The following RNF138 variants were observed in gnomAD, a reference collection of about 807,000 sequenced individuals.
RNF138 encodes ring finger protein 138.
In RNF138, 12 loss-of-function variants were observed where a neutral mutation model predicts 31.0. That is an observed-to-expected ratio of 0.39 (90% CI 0.25 to 0.63). The LOEUF (loss-of-function observed/expected upper bound fraction) is 0.63. RNF138 is among the 20% of genes least tolerant of loss of function. The pLI is 0.52. For missense variants in RNF138, 192 were observed against 300.1 expected (o/e 0.64, Z 2.66); for synonymous variants, 105 against 99.5 (o/e 1.06, Z -0.33).
At chr18:32,093,553 T>C (rs1463611851) in intron 2 of RNF138, among the ~76,000 whole-genome samples, 4 of 152,204 alleles carry the variant, frequency 2.6e-5, no homozygotes, top group Non-Finnish European at 5.9e-5. Flanking sequence ...TTTTCGGGCA[T>C]TGAAATGAGC....
At chr18:32,097,125 T>TAGG (rs1401643632) in intron 2 of RNF138, among the ~76,000 whole-genome samples, 8 of 152,244 alleles carry the variant, frequency 5.3e-5, no homozygotes, top group Admixed American at 5.2e-4. Context: ...CAGACTGGCG[T>TAGG]AGGAGTAAGG....
chr18:32,116,923 G>C (rs190605181), intron 4 of RNF138, among the ~76,000 whole-genome samples: 1 of 151,930 alleles, frequency 6.6e-6, no homozygotes, highest in East Asian at 1.9e-4. Flanking sequence ...TTTATTTGTA[G>C]ACAGAGTTTT....
rs983382565 is a variant in RNF138, at chr18:32,131,197, C to CATTG, written c.*2013_*2016dup. ...AAAGTTTTGTGAATGAGTTAAATAT[C>CATTG]ATTGATAGTCTTGTGTGTCTCACAT... On this transcript the variant is annotated 3_prime_UTR_variant, in exon 8 of 8. Transcript: ENST00000261593. 2 of 152,236 alleles carry CATTG rather than the reference C, an allele frequency of 1.3e-5. No homozygotes were observed. The highest frequency in any genetic ancestry group is 4.8e-5 in the African/African-American group (2 of 41,548). 9.4% of individuals were successfully genotyped at this position (152,236 alleles called of 1,614,324 possible). A position where few individuals can be genotyped will look rare whatever the true frequency, so the allele number is the denominator to read the frequency against.
intron 4 of RNF138, among the ~76,000 whole-genome samples, chr18:32,119,369 G>A (rs2040267365): frequency 6.6e-6 from 1 of 152,054 alleles, no homozygotes. Context: ...TAAAGTGTTG[G>A]GATCACAGGC....
intron 7 of RNF138, 34 bp downstream of exon 7, chr18:32,126,834 T>C (rs1254364801): frequency 7.2e-6 from 9 of 1,250,260 alleles, no homozygotes; most frequent in Non-Finnish European, 1.1e-5. Flanking sequence ...GAAAGTACTG[T>C]TTAAATATTA....
At chr18:32,116,302 T>G (rs1397585990) in intron 4 of RNF138, among the ~76,000 whole-genome samples, 1 of 152,120 alleles carries the variant, frequency 6.6e-6, no homozygotes, top group Admixed American at 6.6e-5. Flanking sequence ...CTTCCTGAGC[T>G]CTAGAATTTC....
intron 4 of RNF138, among the ~76,000 whole-genome samples, chr18:32,118,261 C>T (rs540556787): frequency 3.9e-5 from 6 of 152,284 alleles, no homozygotes; most frequent in South Asian, 2.1e-4. Flanking sequence ...TATGGCTGGG[C>T]GCAGTGGCTC....
Position 32,092,795 on chromosome 18 carries a change from G to C in RNF138, c.19G>C (p.Ala7Pro). 1 of 1,591,066 alleles carries C rather than the reference G, an allele frequency of 6.3e-7. No homozygotes were observed. Among genetic ancestry groups the C allele is most frequent in the Non-Finnish European group, 8.5e-7 (1 of 1,171,806 alleles). ...CCCCGCCATGGCCGAGGACCTCTCT[G>C]CGGCCACGTCCTACACCGAAGATGA... is the stretch of plus-strand genomic sequence containing the variant. The part of the protein sequence containing the change: MAEDLS[A>P]ATSYTEDDFY... Residue 7 changes from alanine to proline, a missense_variant, in exon 2 of 8, where the codon GCG becomes CCG. Ala to Pro is a conservative substitution (Grantham distance 27). This residue lies in a region of RNF138 where 52 missense variants were observed against 48.4 expected (regional missense o/e 1.07). Transcript: ENST00000261593.
At chr18:32,093,333 CGGG>C (rs1391678257) in intron 2 of RNF138, among the ~76,000 whole-genome samples, 1 of 151,906 alleles carries the variant, frequency 6.6e-6, no homozygotes, top group African/African-American at 2.4e-5. Context: ...GGTGCTCGCG[CGGG>C]CCCGCTCGCC....
chr18:32,125,962 A>G (rs2040377006), intron 6 of RNF138, among the ~76,000 whole-genome samples: 1 of 152,208 alleles, frequency 6.6e-6, no homozygotes, highest in African/African-American at 2.4e-5. Context: ...TTAGTTTTAT[A>G]TTGGATTACC....
At chr18:32,118,753 C>A (rs11081745) in intron 4 of RNF138, among the ~76,000 whole-genome samples, 21,116 of 151,910 alleles carry the variant, frequency 0.14, 1,930 homozygotes, top group Non-Finnish European at 0.21. Context: ...TCCTTGAACC[C>A]GGGAGGCCAA....
intron 4 of RNF138, 128 bp from the exon 5 acceptor site, chr18:32,123,390 G>A: frequency 1.9e-6 from 1 of 532,528 alleles, no homozygotes; most frequent in Non-Finnish European, 3.2e-6. Flanking sequence ...ATAGGAAAAA[G>A]GTGTATTGAA....
intron 6 of RNF138, among the ~76,000 whole-genome samples, chr18:32,126,194 A>G (rs2040381122): frequency 1.3e-5 from 2 of 152,228 alleles, no homozygotes; most frequent in Non-Finnish European, 2.9e-5. Context: ...CAGGAATTTG[A>G]GACCCAGCCT....
Position 32,124,642 on chromosome 18 carries a change from T to A in RNF138, c.450-92T>A, listed in dbSNP as rs185253210. The A allele has an allele frequency of 6.6e-4, 451 of 681,862 alleles. 1 individual carries two copies. The highest frequency in any genetic ancestry group is 2.0e-3 in the African/African-American group (112 of 55,358). 42.2% of individuals were successfully genotyped at this position (681,862 alleles called of 1,614,324 possible). On this transcript the variant is annotated intron_variant, in intron 5 of 7. Coordinates refer to ENST00000261593, the MANE Select transcript of RNF138 (RefSeq NM_016271.5). The stretch of plus-strand genomic sequence containing the variant: ...AATAGTCTAATAATTATAACTTTTT[T>A]AAAAAATGTATAGTGATTCCTCAAA...
intron 2 of RNF138, among the ~76,000 whole-genome samples, chr18:32,101,648 A>G (rs148961195): frequency 1.4e-4 from 21 of 152,316 alleles, no homozygotes; most frequent in African/African-American, 4.6e-4. Flanking sequence ...TATGTACGCA[A>G]TAAGTGTTAA....
intron 4 of RNF138, among the ~76,000 whole-genome samples, chr18:32,116,944 C>G (rs1333861380): frequency 6.6e-6 from 1 of 152,014 alleles, no homozygotes; most frequent in Non-Finnish European, 1.5e-5. Flanking sequence ...GCTCGTCTCC[C>G]AGGCTGGAGT....
rs1915151295 is a variant in RNF138 at position 32,130,481 on chromosome 18, C to G, written c.*1294C>G. On this transcript the variant is annotated 3_prime_UTR_variant, in exon 8 of 8. Coordinates refer to ENST00000261593, the MANE Select transcript of RNF138 (RefSeq NM_016271.5). ...AAAGTATTTTGTAGAAGGCCCAAAT[C>G]ACAGAATAAAGGACTAAGAGTGGAT... is the stretch of plus-strand genomic sequence containing the variant. 6.6e-6 allele frequency: 1 copy of G among 152,360 alleles called. No homozygotes were observed. Among genetic ancestry groups the G allele is most frequent in the African/African-American group, 2.4e-5 (1 of 41,420 alleles). The allele number at this position is 152,360 out of a possible 1,614,324, so 9.4% of individuals were successfully genotyped here.
chr18:32,111,513 T>C (rs1197692910), intron 2 of RNF138, among the ~76,000 whole-genome samples: 1 of 152,072 alleles, frequency 6.6e-6, no homozygotes, highest in Admixed American at 6.6e-5. Context: ...TCATATATTA[T>C]GTTAAGAAGT....
At chr18:32,102,485 G>A (rs960194133) in intron 2 of RNF138, among the ~76,000 whole-genome samples, 1 of 151,952 alleles carries the variant, frequency 6.6e-6, no homozygotes, top group Non-Finnish European at 1.5e-5. Context: ...ACAGGCGTGA[G>A]CCACTGTGCC....
Sources: gnomAD v4.1 joint callset for allele counts (sites outside exome capture counted in the v4.1 genomes callset) on GRCh38, gnomAD v4.1.1 for gene constraint, gnomAD v4.1.1 regional missense constraint, MANE v1.5 for transcripts, NCBI Gene and HGNC (gene_info 2026-07-23, HGNC 2026-07-21) for gene names.